The following ASMTL variants were observed in gnomAD, a reference collection of about 807,000 sequenced individuals.
The protein encoded by ASMTL is probable bifunctional dTTP/UTP pyrophosphatase/methyltransferase protein.
ASMTL carries 57 observed loss-of-function variants against 60.3 expected under a neutral mutation model. The ratio of observed to expected loss-of-function variants is 0.95; its 90% confidence interval spans 0.76 to 1.18. ASMTL has a LOEUF of 1.18. Among genes scored for constraint, ASMTL ranks in the 50% most tolerant of loss-of-function variants. The pLI is 0.00. For synonymous variants in ASMTL, 419 were observed against 373.0 expected (o/e 1.12, Z -1.42); for missense variants, 981 against 852.6 (o/e 1.15, Z -1.88).
chrX:1,448,234 C>T lies in ASMTL; in HGVS notation c.93+4514G>A, dbSNP rs755651218. On this transcript the variant is annotated intron_variant, in intron 1 of 12. Transcript: ENST00000381317. ...GGACACACACCATCTTGGACACACACTGCCATCTTGGATAAGCACCACCAT... is the reference window on the plus strand; with the variant it reads ...GGACACACACCATCTTGGACACACATTGCCATCTTGGATAAGCACCACCAT... Among the ~76,000 whole-genome samples the T allele has an allele frequency of 4.0e-3, 600 of 151,240 alleles. 9 individuals carry two copies. Among genetic ancestry groups the T allele is most frequent in the Admixed American group, 0.034 (507 of 15,108 alleles).
intron 10 of ASMTL, among the ~76,000 whole-genome samples, chrX:1,418,772 C>T (rs1603450848): frequency 6.6e-6 from 1 of 152,076 alleles, no homozygotes; most frequent in Non-Finnish European, 1.5e-5. Context: ...AGAGAGGGCC[C>T]CGGAGTTTCT....
intron 10 of ASMTL, 53 bp downstream of exon 10, chrX:1,418,929 C>T (rs1603450854): frequency 6.2e-7 from 1 of 1,609,344 alleles, no homozygotes; most frequent in Non-Finnish European, 8.5e-7. Flanking sequence ...AGGGAAGATA[C>T]CTGTGGCTTA....
At chrX:1,451,755 C>G (rs1291712336) in intron 1 of ASMTL, among the ~76,000 whole-genome samples, 2 of 134,848 alleles carry the variant, frequency 1.5e-5, no homozygotes, top group Non-Finnish European at 3.2e-5. Flanking sequence ...AGGGGGGTCT[C>G]GGCTTACTCT....
chrX:1,418,154 T>G (rs778612860), intron 10 of ASMTL, 38 bp from the exon 11 acceptor site: 1 of 1,553,870 alleles, frequency 6.4e-7, no homozygotes, highest in South Asian at 1.2e-5. Flanking sequence ...GGCTGGGTCG[T>G]CTATGGAACT....
At chrX:1,420,197 TCTCC>T (rs1350150345) in intron 9 of ASMTL, among the ~76,000 whole-genome samples, 3 of 151,650 alleles carry the variant, frequency 2.0e-5, no homozygotes, top group East Asian at 3.9e-4. Flanking sequence ...GTCTCTCAAG[TCTCC>T]CTGTCTCTCC....
intron 4 of ASMTL, 33 bp from the exon 5 acceptor site, chrX:1,435,116 T>C (rs768574205): frequency 1.2e-6 from 2 of 1,611,010 alleles, no homozygotes; most frequent in South Asian, 1.1e-5. Flanking sequence ...CACGTGACCA[T>C]GCTGTGACCC....
At chrX:1,452,380 T>A (rs1569535328) in intron 1 of ASMTL, among the ~76,000 whole-genome samples, 1 of 129,780 alleles carries the variant, frequency 7.7e-6, no homozygotes, top group Non-Finnish European at 1.6e-5. Context: ...ACTCTCCTCA[T>A]CCCCATCCAT....
intron 12 of ASMTL, 168 bp from the exon 13 acceptor site, chrX:1,403,657 T>C: frequency 1.6e-6 from 1 of 625,960 alleles, no homozygotes; most frequent in Non-Finnish European, 2.8e-6. Flanking sequence ...AGACAGAGAC[T>C]TGATGCAGGG....
intron 9 of ASMTL, among the ~76,000 whole-genome samples, chrX:1,419,944 C>G (rs1324662853): frequency 2.6e-5 from 4 of 152,132 alleles, no homozygotes; most frequent in African/African-American, 4.8e-5. Flanking sequence ...CTCTGTCTGT[C>G]TGTCTCTGTC....
chrX:1,417,666 C>T (rs778919287), intron 11 of ASMTL, among the ~76,000 whole-genome samples: 1 of 151,728 alleles, frequency 6.6e-6, no homozygotes, highest in East Asian at 1.9e-4. Context: ...CACACATACT[C>T]TCACAGAAAC....
rs181091863 is a variant in ASMTL at position 1,438,647 on chromosome X, C to T, written c.273+450G>A. Among the ~76,000 whole-genome samples, 99 of 152,254 alleles carry T rather than the reference C, an allele frequency of 6.5e-4. 2 individuals are homozygous for T. In the East Asian group the frequency reaches 0.017, roughly 26 times the overall value. ...CCTGCCTCAGCCTCCCGAGTAGCTG[C>T]GATTACAGGCGGAGTCTGTATTCTG... On this transcript the variant is annotated intron_variant, in intron 3 of 12. Coordinates refer to ENST00000381317, the MANE Select transcript of ASMTL (RefSeq NM_004192.4).
chrX:1,430,595 A>G (rs1177372332), intron 6 of ASMTL, among the ~76,000 whole-genome samples: 8 of 151,580 alleles, frequency 5.3e-5, no homozygotes, highest in Non-Finnish European at 1.0e-4. Flanking sequence ...ACATAGTGAG[A>G]CCCCATTGCT....
At chrX:1,450,713 C>G in intron 1 of ASMTL, among the ~76,000 whole-genome samples, 1 of 137,630 alleles carries the variant, frequency 7.3e-6, no homozygotes, top group Non-Finnish European at 1.6e-5. Context: ...TCCCCAACCC[C>G]ATCCCTAGGG....
At chrX:1,452,621 C>G (rs1428010374) in intron 1 of ASMTL, 127 bp downstream of exon 1, 1 of 741,926 alleles carries the variant, frequency 1.3e-6, no homozygotes, top group Non-Finnish European at 2.1e-6. Context: ...ACACTCTCCC[C>G]TCCCCCATCC....
At chrX:1,429,900 G>T (rs1457280004) in intron 6 of ASMTL, among the ~76,000 whole-genome samples, 7 of 152,098 alleles carry the variant, frequency 4.6e-5, no homozygotes, top group African/African-American at 1.7e-4. Context: ...TACCTATTCT[G>T]TGTGTGTGGG....
Position 1,437,474 on chromosome X carries a change from C to T in ASMTL, c.273+1623G>A, listed in dbSNP as rs546963495. On this transcript the variant is annotated intron_variant, in intron 3 of 12. Coordinates refer to ENST00000381317, the MANE Select transcript of ASMTL (RefSeq NM_004192.4). ...GCCTCTCTCCTGGGCTTGGAGACGC[C>T]GTCTTCCCCCTGTGTCCTCACAGGG... 5.1e-4 allele frequency among the ~76,000 whole-genome samples: 78 copies of T among 151,708 alleles called. 1 individual carries two copies. The highest frequency in any genetic ancestry group is 1.6e-3 in the African/African-American group (68 of 41,340).
At chrX:1,417,581 C>T (rs1281701497) in intron 11 of ASMTL, among the ~76,000 whole-genome samples, 5 of 148,314 alleles carry the variant, frequency 3.4e-5, no homozygotes, top group Non-Finnish European at 7.5e-5. Flanking sequence ...CACACAGACA[C>T]CCACCGGCTC....
chrX:1,445,931 G>T (rs1428146463), intron 1 of ASMTL, among the ~76,000 whole-genome samples: 1 of 151,934 alleles, frequency 6.6e-6, no homozygotes, highest in African/African-American at 2.4e-5. Flanking sequence ...CCTTTCCCTG[G>T]GGGGGTTTAG....
In ASMTL at chrX:1,432,387, C is replaced by A; in HGVS notation, c.401-10G>T. ...GTGTCCAGCTGATGGTCTGCAAGGA[C>A]ACAGCCGTGGGGGTGAGCGTGGACG... On this transcript the variant is annotated splice_polypyrimidine_tract_variant and intron_variant, in intron 5 of 12. Transcript: ENST00000381317. The A allele has an allele frequency of 6.2e-7, 1 of 1,609,502 alleles. No individual in the cohort carries two copies. The highest frequency in any genetic ancestry group is 8.5e-7 in the Non-Finnish European group (1 of 1,177,464).
Sources: gnomAD v4.1 joint callset for allele counts (sites outside exome capture counted in the v4.1 genomes callset) on GRCh38, gnomAD v4.1.1 for gene constraint, MANE v1.5 for transcripts, NCBI Gene and HGNC (gene_info 2026-07-23, HGNC 2026-07-21) for gene names.